TRANK1: variants seen among roughly 807,000 people sequenced by gnomAD.
TRANK1 encodes tetratricopeptide repeat and ankyrin repeat containing 1.
TRANK1 carries 198 observed loss-of-function variants against 266.0 expected under a neutral mutation model. The observed-to-expected ratio is 0.74, with a 90% confidence interval of 0.66 to 0.84. TRANK1 has a LOEUF of 0.84. Among genes scored for constraint, TRANK1 ranks in the 40% least tolerant of loss-of-function variants. The probability of loss-of-function intolerance (pLI) is 0.00; values close to 1 mark genes in which losing one functional copy is unlikely to be tolerated. For synonymous variants in TRANK1, 1,396 were observed against 1,384.1 expected, an observed-to-expected ratio of 1.01 and a Z score of -0.19; for missense variants, 3,326 against 3,634.6, an observed-to-expected ratio of 0.92 and a Z score of 2.18.
chr3:36,835,345 A>C (rs1006799249), intron 20 of TRANK1, among the ~76,000 whole-genome samples: 8 of 135,290 alleles, frequency 5.9e-5, no homozygotes, highest in East Asian at 4.4e-4. Context: ...AAAAAAAAAA[A>C]CCCTGTAACA....
chr3:36,850,274 T>C, intron 15 of TRANK1: 2 of 985,438 alleles, frequency 2.0e-6, no homozygotes, highest in Non-Finnish European at 2.4e-6. Context: ...CTGATTTTAT[T>C]AGCAAAATTT....
At chr3:36,900,870 A>AAAAAAAAAAAAAAAAAAAAAAAAAAC (rs2079868352) in intron 3 of TRANK1, among the ~76,000 whole-genome samples, 1 of 147,512 alleles carries the variant, frequency 6.8e-6, no homozygotes, top group Non-Finnish European at 1.5e-5. Context: ...AAAAAAAAAA[A>AAAAAAAAAAAAAAAAAAAAAAAAAAC]AAAAAAGATA....
rs760848620 is a variant in TRANK1 at position 36,857,857 on chromosome 3, T to A, written c.1865A>T (p.Asn622Ile). The A allele has an allele frequency of 1.2e-6, 2 of 1,613,672 alleles. No individual in the cohort carries two copies. The highest frequency in any genetic ancestry group is 1.3e-5 in the African/African-American group (1 of 75,064). The change falls in exon 13 of 24, where the codon AAT becomes ATT. Residue 622 changes from asparagine (N) to isoleucine (I), a missense_variant. Transcript: ENST00000645898. This position sits in a 1 kb window ranked among gnomAD's most constrained non-coding sequence, Gnocchi z 4.3. Reference protein sequence around the residue: ...DLLVKFDINFNLKNKEGKDAR... With the variant: ...DLLVKFDINFILKNKEGKDAR... ...ATCTTTGCCCTCTTTGTTCTTCAGA[T>A]TGAAGTTGATGTCAAACTTCACCAG...
Position 36,832,227 on chromosome 3 carries a change from T to C in TRANK1, c.7356A>G (p.Thr2452=), listed in dbSNP as rs914177165. The change falls in exon 22 of 24, where the codon ACA becomes ACG. Residue 2452 remains threonine, a synonymous_variant. Coordinates refer to ENST00000645898, the MANE Select transcript of TRANK1 (RefSeq NM_001329998.2). ...TGAACTGGAACTCCAGGAGGGCTACTGTGTTTCCAATGCTGGGGATGAGTG... is the reference window on the plus strand; with the variant it reads ...TGAACTGGAACTCCAGGAGGGCTACCGTGTTTCCAATGCTGGGGATGAGTG... The part of the protein sequence containing the change: ...KEPLIPSIGN[T]VALLEFQFIH... The C allele has an allele frequency of 1.2e-6, 2 of 1,613,984 alleles. No homozygotes were observed. Among genetic ancestry groups the C allele is most frequent in the Non-Finnish European group, 1.7e-6 (2 of 1,179,876 alleles).
chr3:36,854,566 G>A (rs1293339066), intron 13 of TRANK1, among the ~76,000 whole-genome samples: 1 of 152,130 alleles, frequency 6.6e-6, no homozygotes, highest in African/African-American at 2.4e-5. Flanking sequence ...TTCCAGCATT[G>A]GTACCCTGTT....
chr3:36,831,243 T>C lies in TRANK1; in HGVS notation c.8340A>G (p.Pro2780=). The change falls in exon 22 of 24, where the codon CCA becomes CCG. Residue 2780 remains proline (P), a synonymous_variant. Transcript: ENST00000645898. This position sits in a 1 kb window ranked among gnomAD's most constrained non-coding sequence, Gnocchi z 5.0. ...DLCGVKFTRG[P]ENYFSPSKAF... is the part of the protein sequence containing the mutation. ...CTTTGCTGGGGCTGAAATAGTTCTC[T>C]GGGCCACGGGTAAACTTCACTCCAC... The C allele has an allele frequency of 6.2e-7, 1 of 1,613,618 alleles. No individual in the cohort carries two copies. Among genetic ancestry groups the C allele is most frequent in the South Asian group, 1.1e-5 (1 of 91,080 alleles).
At chr3:36,859,423 C>T (rs2079104528) in intron 11 of TRANK1, among the ~76,000 whole-genome samples, 1 of 152,142 alleles carries the variant, frequency 6.6e-6, no homozygotes, top group African/African-American at 2.4e-5. Context: ...TCCGCTAACC[C>T]CCCACCTCCT....
intron 1 of TRANK1, among the ~76,000 whole-genome samples, chr3:36,911,665 T>C (rs2080054436): frequency 6.6e-6 from 1 of 152,206 alleles, no homozygotes; most frequent in African/African-American, 2.4e-5. Context: ...CATTGAGAGT[T>C]ACATTCTCAT....
At chr3:36,926,949 A>G (rs1287585358) in intron 1 of TRANK1, among the ~76,000 whole-genome samples, 1 of 152,226 alleles carries the variant, frequency 6.6e-6, no homozygotes, top group Non-Finnish European at 1.5e-5. Flanking sequence ...TAATGATTAT[A>G]CTAGTTTATT....
chr3:36,870,945 G>A (rs1306195844), intron 9 of TRANK1, among the ~76,000 whole-genome samples: 2 of 103,618 alleles, frequency 1.9e-5, no homozygotes, highest in African/African-American at 3.8e-5. Flanking sequence ...TTCAAGGATT[G>A]TATTATACAA....
In TRANK1 at chr3:36,832,946, G is replaced by C. The variant is rs2078717492; in HGVS notation, c.6637C>G (p.Leu2213Val). The change falls in exon 22 of 24, where the codon CTG becomes GTG. Residue 2213 changes from leucine to valine, a missense_variant. Leu to Val is a conservative substitution (Grantham distance 32, BLOSUM62 1). Transcript: ENST00000645898. The part of the protein sequence containing the change: ...DENCEHFHRP[L>V]RRCEAKCLVQ... ...AAACACTTGGCTTCACAACGCCGCA[G>C]AGGCCTGTGAAAATGTTCACAGTTT... The C allele has an allele frequency of 6.2e-7, 1 of 1,612,406 alleles. No homozygotes were observed. Among genetic ancestry groups the C allele is most frequent in the African/African-American group, 1.3e-5 (1 of 74,912 alleles).
chr3:36,911,358 A>G (rs1245836207), intron 1 of TRANK1, among the ~76,000 whole-genome samples: 2 of 152,180 alleles, frequency 1.3e-5, no homozygotes, highest in Non-Finnish European at 2.9e-5. Flanking sequence ...CAATCACTCT[A>G]CGATGTACCC....
chr3:36,834,714 A>G, intron 21 of TRANK1, 48 bp downstream of exon 21: 1 of 1,576,830 alleles, frequency 6.3e-7, no homozygotes. Context: ...GCCCCCAGAG[A>G]GAAGTGGGAG....
chr3:36,836,625 T>A (rs1428668947), intron 20 of TRANK1, among the ~76,000 whole-genome samples: 3 of 152,112 alleles, frequency 2.0e-5, no homozygotes, highest in Non-Finnish European at 4.4e-5. Context: ...ATAAACAAAA[T>A]AACATGCAAT....
At chr3:36,916,559 CA>C (rs2125642300) in intron 1 of TRANK1, among the ~76,000 whole-genome samples, 1 of 151,882 alleles carries the variant, frequency 6.6e-6, no homozygotes, top group African/African-American at 2.4e-5. Context: ...GACTCTGTCT[CA>C]AAAAATAAAA....
In TRANK1 at chr3:36,832,064, T is replaced by A; in HGVS notation, c.7519A>T (p.Ile2507Phe). 6.2e-7 allele frequency: 1 copy of A among 1,614,014 alleles called. No homozygotes were observed. Among genetic ancestry groups the A allele is most frequent in the Non-Finnish European group, 8.5e-7 (1 of 1,179,896 alleles). ...DKELGDVFSI[I>F]QEYKPKDVTR... ...ACGTCCTTGGGTTTGTATTCCTGAA[T>A]GATGGAGAACACATCCCCAAGCTCC... The change falls in exon 22 of 24, where the codon ATT (isoleucine) becomes TTT (phenylalanine). Residue 2507 changes from isoleucine to phenylalanine, a missense_variant. Ile to Phe is a conservative substitution (Grantham distance 21). Coordinates refer to ENST00000645898, the MANE Select transcript of TRANK1 (RefSeq NM_001329998.2).
intron 23 of TRANK1, 137 bp from the exon 24 acceptor site, chr3:36,828,512 T>C: frequency 1.5e-6 from 1 of 647,302 alleles, no homozygotes; most frequent in South Asian, 1.9e-5. Flanking sequence ...GGTGATTTTT[T>C]TTCCCAATCC....
At chr3:36,851,928 G>C (rs886768732) in intron 14 of TRANK1, 72 bp from the exon 15 acceptor site, 4 of 1,489,280 alleles carry the variant, frequency 2.7e-6, no homozygotes, top group Non-Finnish European at 3.6e-6. Flanking sequence ...TTCTATGGGA[G>C]ATAGGTAATG....
At chr3:36,921,879 C>T (rs929176385) in intron 1 of TRANK1, among the ~76,000 whole-genome samples, 2 of 152,150 alleles carry the variant, frequency 1.3e-5, no homozygotes, top group Non-Finnish European at 2.9e-5. Flanking sequence ...CGGTGGCTCA[C>T]ACCTTTAATC....
Sources: gnomAD v4.1 joint callset for allele counts (sites outside exome capture counted in the v4.1 genomes callset) on GRCh38, gnomAD v4.1.1 for gene constraint, Gnocchi (gnomAD v3.1) non-coding constraint, MANE v1.5 for transcripts, NCBI Gene and HGNC (gene_info 2026-07-23, HGNC 2026-07-21) for gene names.